RAPGEF2: variants seen among roughly 807,000 people sequenced by gnomAD.
RAPGEF2 encodes the protein Rap guanine nucleotide exchange factor 2.
RAPGEF2 carries 54 observed loss-of-function variants against 186.7 expected under a neutral mutation model. That is an observed-to-expected ratio of 0.29 (90% CI 0.23 to 0.36). The LOEUF is 0.36. Among genes scored for constraint, RAPGEF2 ranks in the 10% least tolerant of loss-of-function variants. The pLI is 1.00. For missense variants in RAPGEF2, 1,532 were observed against 2,045.0 expected (o/e 0.75, Z 4.84); for synonymous variants, 712 against 705.9 (o/e 1.01, Z -0.14).
intron 8 of RAPGEF2, among the ~76,000 whole-genome samples, chr4:159,305,206 T>C (rs1763137352): frequency 6.6e-6 from 1 of 152,184 alleles, no homozygotes; most frequent in Non-Finnish European, 1.5e-5. Flanking sequence ...AGTCATGAGA[T>C]TGGTAGATTG....
intron 1 of RAPGEF2, among the ~76,000 whole-genome samples, chr4:159,155,755 C>A (rs1352140459): frequency 6.6e-6 from 1 of 150,874 alleles, no homozygotes; most frequent in Non-Finnish European, 1.5e-5. Context: ...ATCCCTTATG[C>A]CTCACAATGC....
At chr4:159,205,501 AATG>A (rs1357914093) in intron 3 of RAPGEF2, among the ~76,000 whole-genome samples, 1 of 152,128 alleles carries the variant, frequency 6.6e-6, no homozygotes, top group African/African-American at 2.4e-5. Flanking sequence ...TGCTTAGCCT[AATG>A]ATATGGTTAG....
chr4:159,299,547 A>G (rs1000340902), intron 7 of RAPGEF2, among the ~76,000 whole-genome samples: 2 of 152,090 alleles, frequency 1.3e-5, no homozygotes, highest in African/African-American at 4.8e-5. Context: ...AATAATTAGT[A>G]ATTCAGGACG....
At chr4:159,202,836 A>G (rs1165451886) in intron 3 of RAPGEF2, among the ~76,000 whole-genome samples, 1 of 152,064 alleles carries the variant, frequency 6.6e-6, no homozygotes, top group Non-Finnish European at 1.5e-5. Context: ...TCCTGACCTC[A>G]GGTGATCCAC....
At chr4:159,145,512 A>T (rs967653732) in intron 1 of RAPGEF2, among the ~76,000 whole-genome samples, 1 of 152,080 alleles carries the variant, frequency 6.6e-6, no homozygotes, top group Non-Finnish European at 1.5e-5. Flanking sequence ...TGCCAAAAAC[A>T]TTACCAAAAA....
intron 1 of RAPGEF2, among the ~76,000 whole-genome samples, chr4:159,181,106 G>A (rs922814622): frequency 1.2e-4 from 18 of 152,168 alleles, no homozygotes; most frequent in African/African-American, 4.3e-4. Flanking sequence ...ATACAACTGT[G>A]AAACACCGTA....
At chr4:159,352,338 C>T (rs1325120844) in intron 26 of RAPGEF2, 2 of 177,268 alleles carry the variant, frequency 1.1e-5, no homozygotes, top group Non-Finnish European at 2.4e-5. Flanking sequence ...AAAAAACATA[C>T]TTTAAAATCT....
At chr4:159,133,962 AC>A (rs1741416414) in intron 1 of RAPGEF2, among the ~76,000 whole-genome samples, 1 of 150,580 alleles carries the variant, frequency 6.6e-6, no homozygotes, top group Non-Finnish European at 1.5e-5. Context: ...CAAGTGATCC[AC>A]CCGCCTGGAC....
chr4:159,198,775 C>T (rs1322102944), intron 3 of RAPGEF2, among the ~76,000 whole-genome samples: 2 of 151,942 alleles, frequency 1.3e-5, no homozygotes, highest in Non-Finnish European at 2.9e-5. Flanking sequence ...AAGATGTAAC[C>T]ACCGTTTTGA....
intron 1 of RAPGEF2, among the ~76,000 whole-genome samples, chr4:159,152,750 TG>T (rs2111195383): frequency 6.6e-6 from 1 of 152,346 alleles, no homozygotes; most frequent in African/African-American, 2.4e-5. Context: ...CCTGAGTAGC[TG>T]GGAGTACAGG....
chr4:159,186,118 C>T (rs1357166632), intron 1 of RAPGEF2, among the ~76,000 whole-genome samples: 1 of 150,980 alleles, frequency 6.6e-6, no homozygotes, highest in Non-Finnish European at 1.5e-5. Flanking sequence ...AAACAAGGCA[C>T]GTTTTCTTTT....
At chr4:159,183,559 G>A (rs973569103) in intron 1 of RAPGEF2, among the ~76,000 whole-genome samples, 3 of 152,182 alleles carry the variant, frequency 2.0e-5, no homozygotes, top group East Asian at 1.9e-4. Context: ...AAATAAATTG[G>A]ACTTCAAAAT....
intron 28 of RAPGEF2, among the ~76,000 whole-genome samples, chr4:159,355,504 T>G (rs991154193): frequency 6.6e-6 from 1 of 152,230 alleles, no homozygotes; most frequent in Non-Finnish European, 1.5e-5. Context: ...AGGTTCTTCC[T>G]GTGCTTCAGT....
chr4:159,354,455 T>C lies in RAPGEF2; in HGVS notation c.4651+409T>C, dbSNP rs367594932. ...TTGTTCTCTTGATTGTATTTAGAAC[T>C]ATACGCTTTGTATACTTAAAAGTCT... On this transcript the variant is annotated intron_variant, in intron 28 of 29. Coordinates refer to ENST00000691494, the MANE Select transcript of RAPGEF2 (RefSeq NM_001394067.2). Among the ~76,000 whole-genome samples the C allele has an allele frequency of 5.9e-5, 9 of 152,372 alleles. No individual in the cohort carries two copies. In the East Asian group the frequency reaches 1.7e-3, roughly 29 times the overall value.
chr4:159,182,386 CTTTTTT>C lies in RAPGEF2; in HGVS notation c.70-4234_70-4229del, dbSNP rs575743979. ...AAGCTTCCTAGTATTTTCTTTTCTT[CTTTTTT>C]TTTTTTTTTTTTTTTTTTTTTGATA... On this transcript the variant is annotated intron_variant, in intron 1 of 29. Transcript: ENST00000691494. 9.8e-3 allele frequency among the ~76,000 whole-genome samples: 839 copies of C among 85,648 alleles called. 2 individuals are homozygous for C. Among genetic ancestry groups the C allele is most frequent in the South Asian group, 0.023 (50 of 2,158 alleles). The allele number at this position is 85,648 out of a possible 152,430, so 56.2% of individuals were successfully genotyped here. A position where few individuals can be genotyped will look rare whatever the true frequency, so the allele number is the denominator to read the frequency against.
intron 7 of RAPGEF2, among the ~76,000 whole-genome samples, chr4:159,253,352 A>G (rs1755703776): frequency 6.6e-6 from 1 of 152,216 alleles, no homozygotes; most frequent in Admixed American, 6.5e-5. Context: ...CTTTTGTAAC[A>G]TCATGCATTG....
At chr4:159,122,904 T>C (rs1358038502) in intron 1 of RAPGEF2, among the ~76,000 whole-genome samples, 1 of 152,238 alleles carries the variant, frequency 6.6e-6, no homozygotes, top group Admixed American at 6.5e-5. Flanking sequence ...GTACTGTAGA[T>C]TAAGATCTGC....
chr4:159,268,978 G>A (rs1026196862), intron 7 of RAPGEF2, among the ~76,000 whole-genome samples: 6 of 152,220 alleles, frequency 3.9e-5, no homozygotes, highest in South Asian at 2.1e-4. Flanking sequence ...AAATGCAAAC[G>A]CATAAATTTA....
rs147998666 is a variant in RAPGEF2 at position 159,277,376 on chromosome 4, A to G, written c.544-26966A>G. Among the ~76,000 whole-genome samples, 1,108 of 152,344 alleles carry G rather than the reference A, an allele frequency of 7.3e-3. 9 individuals are homozygous for G. Among genetic ancestry groups the G allele is most frequent in the Non-Finnish European group, 0.011 (757 of 68,026 alleles). On this transcript the variant is annotated intron_variant, in intron 7 of 29. Coordinates refer to ENST00000691494, the MANE Select transcript of RAPGEF2 (RefSeq NM_001394067.2). ...CTTTGCTATTGTGAGTAGTGCCACA[A>G]TTAACATACGTGTGCATGTGTCTTT... is the stretch of plus-strand genomic sequence containing the variant.
Sources: gnomAD v4.1 joint callset for allele counts (sites outside exome capture counted in the v4.1 genomes callset) on GRCh38, gnomAD v4.1.1 for gene constraint, MANE v1.5 for transcripts, NCBI Gene and HGNC (gene_info 2026-07-23, HGNC 2026-07-21) for gene names.